The following SEMA3B variants were observed in gnomAD, a reference collection of about 807,000 sequenced individuals.
SEMA3B encodes semaphorin 3B.
A neutral mutation model predicts 77.8 loss-of-function variants in SEMA3B; 71 were observed. The observed-to-expected ratio is 0.91, with a 90% CI of 0.75 to 1.11. SEMA3B has a LOEUF of 1.11. Ranked by LOEUF, SEMA3B falls within the 50% of genes most tolerant of loss-of-function variation. The pLI, the probability that SEMA3B is intolerant of heterozygous loss-of-function variation, is 0.00. For missense variants in SEMA3B, 968 were observed against 1,056.8 expected (o/e 0.92, Z 1.17); for synonymous variants, 470 against 452.9 (o/e 1.04, Z -0.48).
In SEMA3B at chr3:50,274,902, G is replaced by A; in HGVS notation, c.1417G>A (p.Gly473Arg). The change falls in exon 12 of 17, where the codon GGG becomes AGG. Residue 473 changes from glycine (G) to arginine (R), a missense_variant. Transcript: ENST00000616701. This position sits in a 1 kb window ranked among gnomAD's most constrained non-coding sequence, Gnocchi z 4.7. ...CAAGGGCAGTAGGCCCAGCGCAGAG[G>A]GGCTGCTCCTGGAGGAGCTGCACGT... ...VPKGSRPSAE[G>R]LLLEELHVFE... The A allele has an allele frequency of 6.2e-7, 1 of 1,610,972 alleles. No individual in the cohort carries two copies. The highest frequency in any genetic ancestry group is 8.5e-7 in the Non-Finnish European group (1 of 1,179,720).
At position 50,270,069 on chromosome 3, in the gene SEMA3B, G is replaced by A. The variant is rs879948146; in HGVS notation, c.110-58G>A. The stretch of plus-strand genomic sequence containing the variant: ...GGCCGATAGAGTCACCACCAGGCAG[G>A]ACCTGGGGGAGGCTTCCAGCATGGC... On this transcript the variant is annotated intron_variant, in intron 1 of 16. Coordinates refer to ENST00000616701, the MANE Select transcript of SEMA3B (RefSeq NM_001290060.2). The surrounding 1 kb of genome is among the most constrained non-coding windows in gnomAD (Gnocchi z 4.7). The A allele has an allele frequency of 4.8e-6, 7 of 1,472,698 alleles. No individual in the cohort carries two copies. The highest frequency in any genetic ancestry group is 6.3e-6 in the Non-Finnish European group (7 of 1,108,150). 91.2% of individuals were successfully genotyped at this position (1,472,698 alleles called of 1,614,324 possible). A position where few individuals can be genotyped will look rare whatever the true frequency, so the allele number is the denominator to read the frequency against.
chr3:50,271,183 T>G lies in SEMA3B; in HGVS notation c.544+2T>G. On this transcript the variant is annotated splice_donor_variant, in intron 5 of 16. Transcript: ENST00000616701. LOFTEE classifies it high-confidence loss of function. ...ATCGGGCTGCCTCCGTGCTGGTGGGTGAGTCCAAGGGCTAAGGCCCCAAGA... is the reference window on the plus strand; with the variant it reads ...ATCGGGCTGCCTCCGTGCTGGTGGGGGAGTCCAAGGGCTAAGGCCCCAAGA... 6.4e-7 allele frequency: 1 copy of G among 1,566,894 alleles called. No individual in the cohort carries two copies. Among genetic ancestry groups the G allele is most frequent in the Non-Finnish European group, 8.6e-7 (1 of 1,156,070 alleles).
Position 50,276,574 on chromosome 3 carries a change from C to A in SEMA3B, c.2118C>A (p.Ser706=). 6.5e-7 allele frequency: 1 copy of A among 1,550,334 alleles called. No individual in the cohort carries two copies. The highest frequency in any genetic ancestry group is 1.2e-5 in the South Asian group (1 of 84,584). The stretch of plus-strand genomic sequence containing the variant: ...CGGGCGGAGGTGGCAGCGCGAACTC[C>A]CTGCGCATGTGCCGCCCGCAGCCTG... ...VEPGGGGSAN[S]LRMCRPQPAL... Residue 706 remains serine, a synonymous_variant, in exon 17 of 17, where the codon TCC becomes TCA. Transcript: ENST00000616701. This position sits in a 1 kb window ranked among gnomAD's most constrained non-coding sequence, Gnocchi z 5.8.
In SEMA3B at chr3:50,270,466, GA is replaced by G; in HGVS notation, c.302del (p.Glu101GlyfsTer14). On this transcript the variant is annotated frameshift_variant, in exon 3 of 17. Transcript: ENST00000616701. LOFTEE classifies it high-confidence loss of function. This position sits in a 1 kb window ranked among gnomAD's most constrained non-coding sequence, Gnocchi z 4.7. ...AWPAPVEWRE[E>X]CNWAGKDIGT... ...GCCGGCCCCTGTGGAATGGCGAGAGGAGTGCAACTGGGCAGGGAAGGACATT... is the reference window on the plus strand; with the variant it reads ...GCCGGCCCCTGTGGAATGGCGAGAGGGTGCAACTGGGCAGGGAAGGACATT... 1 of 1,613,724 alleles carries G rather than the reference GA, an allele frequency of 6.2e-7. No homozygotes were observed. Among genetic ancestry groups the G allele is most frequent in the Non-Finnish European group, 8.5e-7 (1 of 1,179,870 alleles).
In SEMA3B at chr3:50,270,082, C is replaced by T. The variant is rs749319820; in HGVS notation, c.110-45C>T. On this transcript the variant is annotated intron_variant, in intron 1 of 16. Transcript: ENST00000616701. This position sits in a 1 kb window ranked among gnomAD's most constrained non-coding sequence, Gnocchi z 4.7. ...ACCACCAGGCAGGACCTGGGGGAGG[C>T]TTCCAGCATGGCTGGCGAGTCATCA... 10 of 1,490,566 alleles carry T rather than the reference C, an allele frequency of 6.7e-6. No individual in the cohort carries two copies. Among genetic ancestry groups the T allele is most frequent in the Non-Finnish European group, 8.9e-6 (10 of 1,117,618 alleles). 92.3% of individuals were successfully genotyped at this position (1,490,566 alleles called of 1,614,324 possible). A position where few individuals can be genotyped will look rare whatever the true frequency, so the allele number is the denominator to read the frequency against.
Position 50,274,742 on chromosome 3 carries a change from A to AC in SEMA3B, c.1358-100dup. 6.9e-7 allele frequency: 1 copy of AC among 1,445,970 alleles called. No homozygotes were observed. Among genetic ancestry groups the AC allele is most frequent in the Non-Finnish European group, 9.5e-7 (1 of 1,053,704 alleles). 89.6% of individuals were successfully genotyped at this position (1,445,970 alleles called of 1,614,324 possible). A position where few individuals can be genotyped will look rare whatever the true frequency, so the allele number is the denominator to read the frequency against. On this transcript the variant is annotated intron_variant, in intron 11 of 16. Coordinates refer to ENST00000616701, the MANE Select transcript of SEMA3B (RefSeq NM_001290060.2). The surrounding 1 kb of genome is among the most constrained non-coding windows in gnomAD (Gnocchi z 4.7). ...CACACTCTTCCAGTCCACACTCTTCACAACCCAAACATGCTGAGGGTAGAC... is the reference window on the plus strand; with the variant it reads ...CACACTCTTCCAGTCCACACTCTTCACCAACCCAAACATGCTGAGGGTAGAC...
Position 50,270,782 on chromosome 3 carries a change from T to C in SEMA3B, c.331-108T>C. ...AGGTCCCTGTAGCCCATGTTAGTAC[T>C]TGCCTGGGCTGATGCCGAAGAGAGG... is the stretch of plus-strand genomic sequence containing the variant. On this transcript the variant is annotated intron_variant, in intron 3 of 16. Coordinates refer to ENST00000616701, the MANE Select transcript of SEMA3B (RefSeq NM_001290060.2). This position sits in a 1 kb window ranked among gnomAD's most constrained non-coding sequence, Gnocchi z 4.7. 6.7e-7 allele frequency: 1 copy of C among 1,501,394 alleles called. No homozygotes were observed. The highest frequency in any genetic ancestry group is 1.3e-5 in the South Asian group (1 of 76,918). The allele number at this position is 1,501,394 out of a possible 1,614,324, so 93.0% of individuals were successfully genotyped here. A position where few individuals can be genotyped will look rare whatever the true frequency, so the allele number is the denominator to read the frequency against.
chr3:50,269,169 G>A lies in SEMA3B; in HGVS notation c.-72G>A. The A allele has an allele frequency of 8.8e-7, 1 of 1,138,314 alleles. No homozygotes were observed. The allele number at this position is 1,138,314 out of a possible 1,614,324, so 70.5% of individuals were successfully genotyped here. A position where few individuals can be genotyped will look rare whatever the true frequency, so the allele number is the denominator to read the frequency against. ...GCTGACTCCTCTTCCAGATCCTGGG[G>A]CAGAGTCCAGGGCAGCTCAAGGCTC... On this transcript the variant is annotated 5_prime_UTR_variant, in exon 1 of 17. Transcript: ENST00000616701. This position sits in a 1 kb window ranked among gnomAD's most constrained non-coding sequence, Gnocchi z 4.0.
In SEMA3B at chr3:50,273,470, C is replaced by A; in HGVS notation, c.810+27C>A. 2 of 1,610,266 alleles carry A rather than the reference C, an allele frequency of 1.2e-6. No individual in the cohort carries two copies. Among genetic ancestry groups the A allele is most frequent in the Non-Finnish European group, 1.7e-6 (2 of 1,177,484 alleles). ...TGAGGAGTCCCTGGGCCACACCCGG[C>A]GACCCTGCCCCTACCCCTTTGCCTG... On this transcript the variant is annotated intron_variant, in intron 7 of 16. Transcript: ENST00000616701. This position sits in a 1 kb window ranked among gnomAD's most constrained non-coding sequence, Gnocchi z 6.5.
At chr3:50,261,737 G>GAA in the SEMA3B span, 1 of 152,350 alleles carries the variant, frequency 6.6e-6, no homozygotes, top group Non-Finnish European at 1.5e-5. Flanking sequence ...CATGGCTTCT[G>GAA]ATGTCAGGAA....
the SEMA3B span, chr3:50,262,522 T>G: frequency 6.6e-6 from 1 of 152,278 alleles, no homozygotes; most frequent in Non-Finnish European, 1.5e-5. Context: ...GGGGATGGCC[T>G]CCAGTCAGCT....
Position 50,276,155 on chromosome 3 carries a change from C to G in SEMA3B, c.1846-147C>G, listed in dbSNP as rs1553706654. 3 of 1,122,832 alleles carry G rather than the reference C, an allele frequency of 2.7e-6. No homozygotes were observed. Among genetic ancestry groups the G allele is most frequent in the Non-Finnish European group, 3.6e-6 (3 of 824,168 alleles). The allele number at this position is 1,122,832 out of a possible 1,614,324, so 69.6% of individuals were successfully genotyped here. Reference sequence around the variant, plus strand: ...CTTGAAGACCACCAGCTCCCAAACACTCAGCCTTAAAATGTGCGCCTGCGG... The same window carrying G: ...CTTGAAGACCACCAGCTCCCAAACAGTCAGCCTTAAAATGTGCGCCTGCGG... On this transcript the variant is annotated intron_variant, in intron 16 of 16. Transcript: ENST00000616701. This position sits in a 1 kb window ranked among gnomAD's most constrained non-coding sequence, Gnocchi z 5.8.
In SEMA3B at chr3:50,275,951, C is replaced by A; in HGVS notation, c.1845+107C>A. 2 of 1,394,996 alleles carry A rather than the reference C, an allele frequency of 1.4e-6. No homozygotes were observed. The highest frequency in any genetic ancestry group is 2.7e-5 in the Admixed American group (1 of 36,792). The allele number at this position is 1,394,996 out of a possible 1,614,324, so 86.4% of individuals were successfully genotyped here. ...CCCGTCCAACCAGACCCACTCCCCG[C>A]CCTGTCCAGTTTGGTCCCTCACCTG... On this transcript the variant is annotated intron_variant, in intron 16 of 16. Transcript: ENST00000616701. The surrounding 1 kb of genome is among the most constrained non-coding windows in gnomAD (Gnocchi z 7.5).
rs781931145 is a variant in SEMA3B at position 50,270,419 on chromosome 3, C to A, written c.268-14C>A. 1 of 1,613,774 alleles carries A rather than the reference C, an allele frequency of 6.2e-7. No individual in the cohort carries two copies. The highest frequency in any genetic ancestry group is 8.5e-7 in the Non-Finnish European group (1 of 1,179,832). ...TTCCTGACCTGTGTCCCCTCTCCCC[C>A]AACCTCCCGATAGCTGGCCTGGCCG... is the stretch of plus-strand genomic sequence containing the variant. On this transcript the variant is annotated splice_polypyrimidine_tract_variant and intron_variant, in intron 2 of 16. Transcript: ENST00000616701. The surrounding 1 kb of genome is among the most constrained non-coding windows in gnomAD (Gnocchi z 4.7).
In SEMA3B at chr3:50,276,430, G is replaced by A. The variant is rs1553706758; in HGVS notation, c.1974G>A (p.Leu658=). 2 of 1,536,334 alleles carry A rather than the reference G, an allele frequency of 1.3e-6. No homozygotes were observed. Among genetic ancestry groups the A allele is most frequent in the Admixed American group, 3.9e-5 (2 of 50,932 alleles). ...GCTTTACGCAACCGCTGCGTCGCCT[G>A]TCGCTGCACGTGTTGAGTGCTACGC... ...EQGFTQPLRR[L]SLHVLSATQA... Residue 658 remains leucine (L), a synonymous_variant, in exon 17 of 17, where the codon CTG becomes CTA. Transcript: ENST00000616701. The surrounding 1 kb of genome is among the most constrained non-coding windows in gnomAD (Gnocchi z 5.8).
In SEMA3B at chr3:50,275,485, C is replaced by T; in HGVS notation, c.1649+26C>T. The stretch of plus-strand genomic sequence containing the variant: ...GTGGGCGGGGTCGGGGTTGGGCCGC[C>T]GGGAGGGAGGCGAAGGGTCTTTCAC... On this transcript the variant is annotated intron_variant, in intron 14 of 16. Transcript: ENST00000616701. This position sits in a 1 kb window ranked among gnomAD's most constrained non-coding sequence, Gnocchi z 7.5. 3 of 1,606,404 alleles carry T rather than the reference C, an allele frequency of 1.9e-6. No homozygotes were observed. The highest frequency in any genetic ancestry group is 2.6e-6 in the Non-Finnish European group (3 of 1,174,586).
Position 50,274,602 on chromosome 3 carries a change from G to A in SEMA3B, c.1357+20G>A, listed in dbSNP as rs1404010451. On this transcript the variant is annotated intron_variant, in intron 11 of 16. Coordinates refer to ENST00000616701, the MANE Select transcript of SEMA3B (RefSeq NM_001290060.2). This position sits in a 1 kb window ranked among gnomAD's most constrained non-coding sequence, Gnocchi z 4.7. ...GCACAGGTCAGGGTCCCTCCACAGC[G>A]ACCCCCAGGCTCCCAGCCAGGCCCT... 5.3e-6 allele frequency: 8 copies of A among 1,515,156 alleles called. No homozygotes were observed. Among genetic ancestry groups the A allele is most frequent in the Non-Finnish European group, 7.1e-6 (8 of 1,130,562 alleles). The allele number at this position is 1,515,156 out of a possible 1,614,324, so 93.9% of individuals were successfully genotyped here. A position where few individuals can be genotyped will look rare whatever the true frequency, so the allele number is the denominator to read the frequency against.
chr3:50,277,071 C>G lies in SEMA3B; in HGVS notation c.*365C>G. 1 of 272,160 alleles carries G rather than the reference C, an allele frequency of 3.7e-6. No homozygotes were observed. 16.9% of individuals were successfully genotyped at this position (272,160 alleles called of 1,614,324 possible). On this transcript the variant is annotated 3_prime_UTR_variant, in exon 17 of 17. Coordinates refer to ENST00000616701, the MANE Select transcript of SEMA3B (RefSeq NM_001290060.2). The stretch of plus-strand genomic sequence containing the variant: ...CAGTGAGCAGAAAGCTGTGAACAGG[C>G]TGGGCTGCTGGAGGTGGGGCGAGGC...
upstream of SEMA3B, chr3:50,266,897 G>T (rs1700908603): frequency 6.6e-6 from 1 of 152,324 alleles, no homozygotes; most frequent in East Asian, 1.9e-4. Context: ...CCTAGAAAGA[G>T]AAGCCAGAGG....
Sources: allele counts gnomAD v4.1 joint callset, GRCh38; gene constraint gnomAD v4.1.1; non-coding constraint Gnocchi (gnomAD v3.1); transcripts MANE v1.5; gene names NCBI Gene and HGNC (gene_info 2026-07-23, HGNC 2026-07-21).